The following BBS9 variants were observed in gnomAD, a reference collection of about 807,000 sequenced individuals.
The protein encoded by BBS9 is protein PTHB1.
A neutral mutation model predicts 117.7 loss-of-function variants in BBS9; 89 were observed. That is an observed-to-expected ratio of 0.76 (90% CI 0.64 to 0.90). The LOEUF (loss-of-function observed/expected upper bound fraction) is 0.90, where lower values mean the gene tolerates loss of function less well. Ranked by LOEUF, BBS9 falls within the 40% of genes least tolerant of loss-of-function variation. The probability of loss-of-function intolerance (pLI) is 0.00; values close to 1 mark genes in which losing one functional copy is unlikely to be tolerated. For missense variants in BBS9, 982 were observed against 1,042.2 expected (o/e 0.94, Z 0.80); for synonymous variants, 379 against 370.9 (o/e 1.02, Z -0.25).
intron 9 of BBS9, among the ~76,000 whole-genome samples, chr7:33,282,279 T>C (rs1470683682): frequency 6.6e-6 from 1 of 152,230 alleles, no homozygotes; most frequent in Admixed American, 6.5e-5. Flanking sequence ...TGAACATTTG[T>C]TGGCACTTTT....
intron 19 of BBS9, among the ~76,000 whole-genome samples, chr7:33,446,461 A>G (rs1837008346): frequency 6.6e-6 from 1 of 152,212 alleles, no homozygotes; most frequent in South Asian, 2.1e-4. Context: ...GTAAGATGTC[A>G]TAACTTCATT....
intron 6 of BBS9, among the ~76,000 whole-genome samples, chr7:33,260,145 G>A (rs1797741670): frequency 6.6e-6 from 1 of 151,718 alleles, no homozygotes; most frequent in Non-Finnish European, 1.5e-5. Context: ...GACTACAGGC[G>A]CATGCTGCCA....
intron 19 of BBS9, among the ~76,000 whole-genome samples, chr7:33,400,280 A>C (rs1265850123): frequency 6.6e-6 from 1 of 152,196 alleles, no homozygotes; most frequent in African/African-American, 2.4e-5. Flanking sequence ...AGATGTTTCT[A>C]ATATTACAAT....
intron 19 of BBS9, among the ~76,000 whole-genome samples, chr7:33,428,100 C>G (rs936145166): frequency 1.3e-5 from 2 of 152,108 alleles, no homozygotes; most frequent in Non-Finnish European, 2.9e-5. Context: ...ATAATCCAAA[C>G]TAGACATTTT....
At chr7:33,497,751 A>G (rs919786165) in intron 19 of BBS9, among the ~76,000 whole-genome samples, 1 of 152,152 alleles carries the variant, frequency 6.6e-6, no homozygotes, top group African/African-American at 2.4e-5. Flanking sequence ...AAGCTTTGAA[A>G]CTTGATTAAA....
At chr7:33,130,937 C>A (rs555710967) in intron 1 of BBS9, among the ~76,000 whole-genome samples, 14 of 152,076 alleles carry the variant, frequency 9.2e-5, no homozygotes, top group Non-Finnish European at 1.9e-4. Flanking sequence ...AATCCAACAG[C>A]AATAGTATAT....
At chr7:33,208,159 G>A (rs1787316196) in intron 5 of BBS9, among the ~76,000 whole-genome samples, 1 of 152,054 alleles carries the variant, frequency 6.6e-6, no homozygotes, top group African/African-American at 2.4e-5. Context: ...TCCAACTTCA[G>A]TTCATTCCTA....
At position 33,611,785 on chromosome 7, in the gene BBS9, T is replaced by C. The variant is rs933080955; in HGVS notation, c.2522-23392T>C. Among the ~76,000 whole-genome samples, 4 of 139,794 alleles carry C rather than the reference T, an allele frequency of 2.9e-5. No homozygotes were observed. The East Asian group carries it at 8.1e-4, about 28-fold the overall frequency. The allele number at this position is 139,794 out of a possible 152,430, so 91.7% of individuals were successfully genotyped here. On this transcript the variant is annotated intron_variant, in intron 21 of 21. Transcript: ENST00000671952. ...TATATAATATTATTATATAATAATATTATATATGGTATATATTATACCTTA... is the reference window on the plus strand; with the variant it reads ...TATATAATATTATTATATAATAATACTATATATGGTATATATTATACCTTA...
At chr7:33,189,729 T>C (rs1039030464) in intron 5 of BBS9, among the ~76,000 whole-genome samples, 63 of 150,660 alleles carry the variant, frequency 4.2e-4, no homozygotes, top group African/African-American at 1.5e-3. Context: ...CTACTAAAAA[T>C]ACAAAAATTA....
At chr7:33,434,895 A>T (rs1835073113) in intron 19 of BBS9, among the ~76,000 whole-genome samples, 1 of 152,148 alleles carries the variant, frequency 6.6e-6, no homozygotes, top group African/African-American at 2.4e-5. Context: ...CTCATGAAAT[A>T]TGCAGAAAGT....
rs566973584 is a variant in BBS9, at chr7:33,254,769, T to C, written c.443-2467T>C. Among the ~76,000 whole-genome samples the C allele has an allele frequency of 2.6e-5, 4 of 152,318 alleles. No individual in the cohort carries two copies. The South Asian group carries it at 8.3e-4, about 32-fold the overall frequency. On this transcript the variant is annotated intron_variant, in intron 5 of 22. Coordinates refer to ENST00000242067, the MANE Select transcript of BBS9 (RefSeq NM_198428.3). The stretch of plus-strand genomic sequence containing the variant: ...AGTGAGATCATGTAGTGTTTGTCTT[T>C]TGTTGTCTGGCTTATTTCATTTAGC...
At chr7:33,381,167 G>C (rs1439217078) in intron 17 of BBS9, among the ~76,000 whole-genome samples, 2 of 152,142 alleles carry the variant, frequency 1.3e-5, no homozygotes, top group African/African-American at 4.8e-5. Flanking sequence ...CATCTCTCTA[G>C]CTGTTGTCTA....
chr7:33,350,530 C>T (rs1049809270), intron 13 of BBS9, among the ~76,000 whole-genome samples: 4 of 152,132 alleles, frequency 2.6e-5, no homozygotes, highest in Non-Finnish European at 5.9e-5. Flanking sequence ...GTGTAACACT[C>T]CTCATCCATT....
At chr7:33,527,353 GC>G (rs1239678367) in intron 20 of BBS9, among the ~76,000 whole-genome samples, 2 of 152,152 alleles carry the variant, frequency 1.3e-5, no homozygotes, top group East Asian at 3.9e-4. Flanking sequence ...CAGCCTCGCT[GC>G]CGCCTTGCAG....
At position 33,313,397 on chromosome 7, in the gene BBS9, T is replaced by C. The variant is rs114162291; in HGVS notation, c.1017-23044T>C. On this transcript the variant is annotated intron_variant, in intron 9 of 22. Transcript: ENST00000242067. ...TCAAATATTTATAAACATATTTTGCTTCTGGAGTACGAAATAGGCACGTCT... is the reference window on the plus strand; with the variant it reads ...TCAAATATTTATAAACATATTTTGCCTCTGGAGTACGAAATAGGCACGTCT... 3.2e-3 allele frequency among the ~76,000 whole-genome samples: 483 copies of C among 152,346 alleles called. 2 individuals carry two copies. Among genetic ancestry groups the C allele is most frequent in the African/African-American group, 0.011 (464 of 41,582 alleles).
At chr7:33,554,848 G>T (rs969976771) in intron 21 of BBS9, among the ~76,000 whole-genome samples, 4 of 152,120 alleles carry the variant, frequency 2.6e-5, no homozygotes, top group Admixed American at 6.5e-5. Flanking sequence ...ACATCTAGAG[G>T]TCAGGTGGAA....
intron 21 of BBS9, among the ~76,000 whole-genome samples, chr7:33,614,948 A>G (rs1276150842): frequency 6.6e-6 from 1 of 152,082 alleles, no homozygotes; most frequent in Non-Finnish European, 1.5e-5. Flanking sequence ...AGCCTAACCA[A>G]CGTGAAAGAC....
intron 21 of BBS9, among the ~76,000 whole-genome samples, chr7:33,573,461 T>C (rs1379535504): frequency 1.3e-5 from 2 of 152,146 alleles, no homozygotes; most frequent in African/African-American, 4.8e-5. Flanking sequence ...ACCCTAGATA[T>C]CAGGTTCTAC....
intron 10 of BBS9, among the ~76,000 whole-genome samples, chr7:33,337,582 T>C (rs1815643572): frequency 6.6e-6 from 1 of 152,138 alleles, no homozygotes; most frequent in East Asian, 1.9e-4. Context: ...ATGCTTTGGT[T>C]TCACACATTC....
Sources: gnomAD v4.1 joint callset for allele counts (sites outside exome capture counted in the v4.1 genomes callset) on GRCh38, gnomAD v4.1.1 for gene constraint, MANE v1.5 for transcripts, NCBI Gene and HGNC (gene_info 2026-07-23, HGNC 2026-07-21) for gene names.